Variants in ASTN2 observed in about 807,000 individuals in gnomAD.
The protein encoded by ASTN2 is astrotactin-2.
A neutral mutation model predicts 139.8 loss-of-function variants in ASTN2; 54 were observed. The observed-to-expected ratio is 0.39, with a 90% CI of 0.31 to 0.48. The LOEUF is 0.48. Ranked by LOEUF, ASTN2 falls within the 20% of genes least tolerant of loss-of-function variation. The pLI is 0.95. For missense variants in ASTN2, 1,565 were observed against 1,725.1 expected (o/e 0.91, Z 1.64); for synonymous variants, 756 against 719.5 (o/e 1.05, Z -0.81).
intron 15 of ASTN2, 151 bp from the exon 16 acceptor site, chr9:116,726,101 A>G: frequency 1.5e-6 from 1 of 645,294 alleles, no homozygotes; most frequent in Non-Finnish European, 2.6e-6. Flanking sequence ...CCAAACATAT[A>G]CATAATTCCC....
At chr9:116,628,097 T>G (rs1856553609) in intron 17 of ASTN2, among the ~76,000 whole-genome samples, 1 of 152,204 alleles carries the variant, frequency 6.6e-6, no homozygotes, top group African/African-American at 2.4e-5. Flanking sequence ...CACCCCTGAG[T>G]CCACCCACCT....
At chr9:117,266,565 G>T (rs1381887522) in intron 2 of ASTN2, among the ~76,000 whole-genome samples, 1 of 152,172 alleles carries the variant, frequency 6.6e-6, no homozygotes, top group African/African-American at 2.4e-5. Flanking sequence ...GACCAGCAAG[G>T]CTGCTGAGCA....
intron 10 of ASTN2, among the ~76,000 whole-genome samples, chr9:116,921,571 G>T (rs191555337): frequency 2.4e-5 from 3 of 125,990 alleles, no homozygotes; most frequent in Non-Finnish European, 1.5e-5. Flanking sequence ...CTGGGCGACC[G>T]AGCGAGACTC....
intron 13 of ASTN2, among the ~76,000 whole-genome samples, chr9:116,734,191 C>T (rs999627753): frequency 2.0e-5 from 3 of 152,020 alleles, no homozygotes; most frequent in African/African-American, 7.3e-5. Context: ...TCTTCTGACT[C>T]CAGGTTAGTG....
intron 13 of ASTN2, among the ~76,000 whole-genome samples, chr9:116,743,596 C>T (rs995312568): frequency 6.6e-6 from 1 of 151,952 alleles, no homozygotes; most frequent in Non-Finnish European, 1.5e-5. Flanking sequence ...ACTGAAACCT[C>T]CATCTCCCGG....
At chr9:117,205,210 A>C (rs538210962) in intron 3 of ASTN2, among the ~76,000 whole-genome samples, 1 of 152,316 alleles carries the variant, frequency 6.6e-6, no homozygotes, top group African/African-American at 2.4e-5. Flanking sequence ...AGCAGTGAGC[A>C]TATCATGGTG....
chr9:116,663,799 T>C (rs1468417589), intron 16 of ASTN2, among the ~76,000 whole-genome samples: 1 of 152,200 alleles, frequency 6.6e-6, no homozygotes, highest in African/African-American at 2.4e-5. Context: ...TTGGTCTCTA[T>C]AAATCCTAAC....
In ASTN2 at chr9:116,686,574, C is replaced by T. The variant is rs946130933; in HGVS notation, c.2807-34781G>A. On this transcript the variant is annotated intron_variant, in intron 16 of 22. Coordinates refer to ENST00000313400, the MANE Select transcript of ASTN2 (RefSeq NM_001365068.1). ...GGCCAGCCAGTCCTGTATCAGACCT[C>T]GTCCTTGCCAGATGCCTAGTGCCCC... 4.2e-5 allele frequency: 42 copies of T among 1,003,878 alleles called. No homozygotes were observed. The African/African-American group carries it at 5.4e-4, about 13-fold the overall frequency. 62.2% of individuals were successfully genotyped at this position (1,003,878 alleles called of 1,614,324 possible).
chr9:116,884,559 A>G (rs1279211455), intron 10 of ASTN2, among the ~76,000 whole-genome samples: 1 of 151,982 alleles, frequency 6.6e-6, no homozygotes, highest in East Asian at 2.0e-4. Context: ...TGAATACCAG[A>G]GGAATCTCTT....
chr9:116,769,131 G>A (rs980786930), intron 13 of ASTN2, among the ~76,000 whole-genome samples: 1 of 152,120 alleles, frequency 6.6e-6, no homozygotes, highest in Non-Finnish European at 1.5e-5. Context: ...AAAATACTAA[G>A]CCTAAAGCCC....
At chr9:116,477,189 T>C (rs529967823) in intron 20 of ASTN2, among the ~76,000 whole-genome samples, 1 of 152,296 alleles carries the variant, frequency 6.6e-6, no homozygotes, top group East Asian at 1.9e-4. Context: ...AGCCTCACTG[T>C]CTGTCGGCTG....
chr9:116,476,325 T>G (rs1848980308), intron 20 of ASTN2, among the ~76,000 whole-genome samples: 1 of 152,226 alleles, frequency 6.6e-6, no homozygotes, highest in African/African-American at 2.4e-5. Context: ...CAAAGATGAT[T>G]TCCAAATAAA....
chr9:116,644,085 G>A lies in ASTN2; in HGVS notation c.3072+7443C>T, dbSNP rs1193627804. On this transcript the variant is annotated intron_variant, in intron 17 of 22. Coordinates refer to ENST00000313400, the MANE Select transcript of ASTN2 (RefSeq NM_001365068.1). ...TGATGCTGGTAGTGATAGTAGTGGT[G>A]TAGCATAGTGGTGGCGGTAGTGGTC... 3.9e-5 allele frequency among the ~76,000 whole-genome samples: 6 copies of A among 152,190 alleles called. No individual in the cohort carries two copies. In the East Asian group the frequency reaches 9.6e-4, roughly 24 times the overall value.
At chr9:116,892,789 G>C (rs1401385801) in intron 10 of ASTN2, among the ~76,000 whole-genome samples, 1 of 152,046 alleles carries the variant, frequency 6.6e-6, no homozygotes, top group Non-Finnish European at 1.5e-5. Flanking sequence ...CAGTGTCATG[G>C]GATGACTGCC....
At chr9:116,915,635 A>G (rs1190906924) in intron 10 of ASTN2, among the ~76,000 whole-genome samples, 7 of 152,114 alleles carry the variant, frequency 4.6e-5, no homozygotes, top group African/African-American at 7.2e-5. Flanking sequence ...CTCCATAAAA[A>G]TCCTTAAGCT....
Position 117,255,836 on chromosome 9 carries a change from C to G in ASTN2, c.630+35490G>C, listed in dbSNP as rs112358254. Among the ~76,000 whole-genome samples, 1,111 of 152,124 alleles carry G rather than the reference C, an allele frequency of 7.3e-3. 9 individuals are homozygous for G. Among genetic ancestry groups the G allele is most frequent in the African/African-American group, 0.023 (954 of 41,488 alleles). On this transcript the variant is annotated intron_variant, in intron 2 of 22. Coordinates refer to ENST00000313400, the MANE Select transcript of ASTN2 (RefSeq NM_001365068.1). The stretch of plus-strand genomic sequence containing the variant: ...TCTAGAGAAGCTTTCTAGAAGCCAC[C>G]GGGGCAAGTACCACAATGAAGGGCA...
intron 20 of ASTN2, among the ~76,000 whole-genome samples, chr9:116,482,435 A>G (rs929228932): frequency 2.0e-5 from 3 of 152,168 alleles, no homozygotes; most frequent in Non-Finnish European, 4.4e-5. Flanking sequence ...CATAGTGAAT[A>G]CTCAATAAAA....
At chr9:117,149,732 C>A (rs1830285795) in intron 3 of ASTN2, among the ~76,000 whole-genome samples, 1 of 152,186 alleles carries the variant, frequency 6.6e-6, no homozygotes, top group South Asian at 2.1e-4. Context: ...AAGAAAACAA[C>A]AAGCAACTAG....
chr9:116,910,393 A>G (rs1419859008), intron 10 of ASTN2, among the ~76,000 whole-genome samples: 2 of 152,180 alleles, frequency 1.3e-5, no homozygotes, highest in African/African-American at 2.4e-5. Context: ...CACCCCTGTC[A>G]TCTACCCACT....
Sources: allele counts gnomAD v4.1 joint callset (sites outside exome capture counted in the v4.1 genomes callset), GRCh38; gene constraint gnomAD v4.1.1; transcripts MANE v1.5; gene names NCBI Gene and HGNC (gene_info 2026-07-23, HGNC 2026-07-21).